Variants in PDE4D observed in about 807,000 individuals in gnomAD.
PDE4D encodes the protein phosphodiesterase 4D.
PDE4D carries 24 observed loss-of-function variants against 87.4 expected under a neutral mutation model. The observed-to-expected ratio is 0.27, with a 90% CI of 0.20 to 0.39. PDE4D has a LOEUF of 0.39. PDE4D is among the 10% of genes least tolerant of loss of function. The pLI is 1.00. For missense variants in PDE4D, 714 were observed against 1,041.0 expected, an observed-to-expected ratio of 0.69 and a Z score of 4.32; for synonymous variants, 384 against 383.2, an observed-to-expected ratio of 1.00 and a Z score of -0.02.
At chr5:59,155,235 C>T (rs1481705693) in intron 5 of PDE4D, among the ~76,000 whole-genome samples, 1 of 152,142 alleles carries the variant, frequency 6.6e-6, no homozygotes, top group East Asian at 1.9e-4. Flanking sequence ...CTAGAATACT[C>T]ACATTTAAGA....
At chr5:59,047,807 CCCT>C (rs1760942136) in intron 5 of PDE4D, among the ~76,000 whole-genome samples, 1 of 152,090 alleles carries the variant, frequency 6.6e-6, no homozygotes, top group Non-Finnish European at 1.5e-5. Context: ...GAGAATGGAG[CCCT>C]CATGAATTAG....
chr5:59,511,641 T>C (rs1810295700), intron 1 of PDE4D, among the ~76,000 whole-genome samples: 1 of 152,022 alleles, frequency 6.6e-6, no homozygotes. Flanking sequence ...ATAAAATTCC[T>C]TAAAATGAGC....
chr5:60,314,113 T>C (rs1363846372), intron 1 of PDE4D, among the ~76,000 whole-genome samples: 1 of 150,416 alleles, frequency 6.6e-6, no homozygotes, highest in Non-Finnish European at 1.5e-5. Context: ...GAGAAAAAAA[T>C]AAAAGGCATC....
chr5:59,538,508 C>T (rs913682025), intron 1 of PDE4D, among the ~76,000 whole-genome samples: 2 of 152,134 alleles, frequency 1.3e-5, no homozygotes, highest in African/African-American at 2.4e-5. Context: ...TATTGAATGC[C>T]AGTTCCCGTT....
intron 2 of PDE4D, among the ~76,000 whole-genome samples, chr5:60,122,394 C>T (rs1313051100): frequency 3.3e-5 from 5 of 152,252 alleles, no homozygotes; most frequent in Non-Finnish European, 7.3e-5. Context: ...CCTGGGCATC[C>T]AGGCATTTCC....
chr5:60,063,960 G>A (rs978249810), intron 2 of PDE4D, among the ~76,000 whole-genome samples: 28 of 152,116 alleles, frequency 1.8e-4, no homozygotes, highest in African/African-American at 6.3e-4. Flanking sequence ...AGATTGGCCC[G>A]AGGAGATGTG....
At chr5:59,668,979 T>G (rs949889416) in intron 1 of PDE4D, among the ~76,000 whole-genome samples, 4 of 152,132 alleles carry the variant, frequency 2.6e-5, no homozygotes, top group African/African-American at 9.7e-5. Context: ...GGTCACAGAT[T>G]CTTTTGGAAT....
chr5:60,073,748 T>A (rs569873495), intron 2 of PDE4D, among the ~76,000 whole-genome samples: 32 of 152,058 alleles, frequency 2.1e-4, no homozygotes, highest in Non-Finnish European at 3.8e-4. Flanking sequence ...CCTGGTTCAG[T>A]CTGAGAGAGT....
At chr5:60,318,055 T>A (rs986361852) in intron 1 of PDE4D, among the ~76,000 whole-genome samples, 6 of 152,294 alleles carry the variant, frequency 3.9e-5, no homozygotes, top group African/African-American at 1.4e-4. Context: ...TAACTTTCTG[T>A]CTCGTTGATC....
chr5:60,069,677 G>C (rs560330662), intron 2 of PDE4D, among the ~76,000 whole-genome samples: 3 of 151,496 alleles, frequency 2.0e-5, no homozygotes, highest in Admixed American at 6.6e-5. Context: ...TTGACTCATG[G>C]CTCCATATAA....
intron 1 of PDE4D, among the ~76,000 whole-genome samples, chr5:59,340,723 C>G (rs1778580182): frequency 6.6e-6 from 1 of 152,204 alleles, no homozygotes; most frequent in Non-Finnish European, 1.5e-5. Flanking sequence ...TCTTTCCACT[C>G]TATCTCCATG....
At chr5:60,286,446 G>A (rs368253135) in intron 1 of PDE4D, among the ~76,000 whole-genome samples, 2 of 152,176 alleles carry the variant, frequency 1.3e-5, no homozygotes, top group African/African-American at 4.8e-5. Context: ...TGTTTACATA[G>A]AATAAAACAT....
chr5:59,351,304 C>A (rs1780499234), intron 1 of PDE4D, among the ~76,000 whole-genome samples: 1 of 152,102 alleles, frequency 6.6e-6, no homozygotes. Flanking sequence ...TCCTCCTATA[C>A]CATGCTACCT....
At chr5:59,145,671 T>TA (rs1336751472) in intron 5 of PDE4D, among the ~76,000 whole-genome samples, 1 of 152,172 alleles carries the variant, frequency 6.6e-6, no homozygotes, top group Non-Finnish European at 1.5e-5. Context: ...CCATAAAAGT[T>TA]ATACTATATC....
At chr5:59,979,421 G>T (rs1582015949) in intron 3 of PDE4D, among the ~76,000 whole-genome samples, 1 of 147,718 alleles carries the variant, frequency 6.8e-6, no homozygotes, top group African/African-American at 2.5e-5. Flanking sequence ...CACAGCAAGG[G>T]GTGTGTGTGT....
chr5:60,212,124 A>G (rs1478455666), intron 1 of PDE4D, among the ~76,000 whole-genome samples: 1 of 152,178 alleles, frequency 6.6e-6, no homozygotes, highest in Non-Finnish European at 1.5e-5. Flanking sequence ...ATTTATTTTA[A>G]GTGTCACTAA....
At chr5:60,033,797 T>C (rs1767498440) in intron 2 of PDE4D, among the ~76,000 whole-genome samples, 1 of 152,126 alleles carries the variant, frequency 6.6e-6, no homozygotes, top group Non-Finnish European at 1.5e-5. Flanking sequence ...ATTTCTAGAA[T>C]CAGTGCAGTG....
At chr5:59,504,278 A>T (rs939358181) in intron 1 of PDE4D, among the ~76,000 whole-genome samples, 4 of 152,312 alleles carry the variant, frequency 2.6e-5, no homozygotes, top group African/African-American at 9.6e-5. Context: ...TGAACAAAGT[A>T]TCTGTTATAT....
intron 1 of PDE4D, among the ~76,000 whole-genome samples, chr5:60,238,410 G>A (rs1746672674): frequency 6.6e-6 from 1 of 151,812 alleles, no homozygotes; most frequent in Non-Finnish European, 1.5e-5. Flanking sequence ...ATCCAATCAT[G>A]TTTCTAGATA....
Sources: allele counts gnomAD v4.1 joint callset (sites outside exome capture counted in the v4.1 genomes callset), GRCh38; gene constraint gnomAD v4.1.1; transcripts MANE v1.5; gene names NCBI Gene and HGNC (gene_info 2026-07-23, HGNC 2026-07-21).